Variants in TTC28 observed in about 807,000 individuals in gnomAD.
The protein encoded by TTC28 is tetratricopeptide repeat domain 28.
A neutral mutation model predicts 198.0 loss-of-function variants in TTC28; 61 were observed. That is an observed-to-expected ratio of 0.31 (90% CI 0.25 to 0.38). TTC28 has a LOEUF of 0.38. TTC28 is among the 10% of genes least tolerant of loss of function. The pLI, the probability that TTC28 is intolerant of heterozygous loss-of-function variation, is 1.00. For missense variants in TTC28, 2,678 were observed against 3,164.0 expected (o/e 0.85, Z 3.69); for synonymous variants, 1,171 against 1,297.8 (o/e 0.90, Z 2.10).
intron 2 of TTC28, among the ~76,000 whole-genome samples, chr22:28,532,052 C>T (rs1049700079): frequency 1.3e-5 from 2 of 152,054 alleles, no homozygotes; most frequent in Non-Finnish European, 2.9e-5. Flanking sequence ...CAAGAAATAA[C>T]TAAGATCAGA....
intron 5 of TTC28, among the ~76,000 whole-genome samples, chr22:28,193,627 G>T (rs1451768369): frequency 6.6e-6 from 1 of 151,976 alleles, no homozygotes; most frequent in African/African-American, 2.4e-5. Context: ...AAAAGGCAGG[G>T]GTTGCAAACC....
At chr22:28,250,544 G>A (rs1930443404) in intron 5 of TTC28, among the ~76,000 whole-genome samples, 1 of 152,106 alleles carries the variant, frequency 6.6e-6, no homozygotes, top group South Asian at 2.1e-4. Flanking sequence ...CAAGACCCTT[G>A]TATAAAATGG....
chr22:28,144,600 A>G (rs1165435179), intron 6 of TTC28, among the ~76,000 whole-genome samples: 1 of 152,250 alleles, frequency 6.6e-6, no homozygotes, highest in African/African-American at 2.4e-5. Flanking sequence ...AGCTTATTTT[A>G]AAAAAGACAA....
intron 2 of TTC28, among the ~76,000 whole-genome samples, chr22:28,426,913 T>C (rs2047359047): frequency 6.6e-6 from 1 of 152,236 alleles, no homozygotes; most frequent in Non-Finnish European, 1.5e-5. Flanking sequence ...ATTCTTTTCA[T>C]ACCACCTCAA....
chr22:28,640,072 C>T (rs565658519), intron 1 of TTC28, among the ~76,000 whole-genome samples: 2 of 151,844 alleles, frequency 1.3e-5, no homozygotes, highest in African/African-American at 2.4e-5. Flanking sequence ...TTTTGGAGGC[C>T]GATGTGGGTA....
At chr22:28,159,822 T>C (rs1920986753) in intron 6 of TTC28, among the ~76,000 whole-genome samples, 1 of 152,118 alleles carries the variant, frequency 6.6e-6, no homozygotes, top group Non-Finnish European at 1.5e-5. Context: ...TAAGTGTCCA[T>C]CAACAGATGA....
At chr22:28,486,523 G>T (rs2048317137) in intron 2 of TTC28, among the ~76,000 whole-genome samples, 1 of 152,084 alleles carries the variant, frequency 6.6e-6, no homozygotes, top group African/African-American at 2.4e-5. Context: ...AATCTTAAGA[G>T]AATTATAACT....
chr22:28,295,237 C>T (rs189394244), intron 5 of TTC28, among the ~76,000 whole-genome samples: 1 of 152,270 alleles, frequency 6.6e-6, no homozygotes, highest in African/African-American at 2.4e-5. Context: ...ATCATTTAAA[C>T]AATATAATTA....
chr22:28,494,676 T>C (rs1208572066), intron 2 of TTC28, among the ~76,000 whole-genome samples: 2 of 152,118 alleles, frequency 1.3e-5, no homozygotes, highest in Non-Finnish European at 2.9e-5. Flanking sequence ...GTCAAACTCA[T>C]GCTCAAACTC....
chr22:28,343,055 C>A (rs995872298), intron 2 of TTC28, among the ~76,000 whole-genome samples: 2 of 152,024 alleles, frequency 1.3e-5, no homozygotes, highest in African/African-American at 4.8e-5. Context: ...ACAACATACA[C>A]ACATAATGAA....
chr22:28,490,169 TC>T (rs1366809425), intron 2 of TTC28, among the ~76,000 whole-genome samples: 1 of 152,152 alleles, frequency 6.6e-6, no homozygotes, highest in Non-Finnish European at 1.5e-5. Flanking sequence ...AATGTTAATC[TC>T]CTTTGGCAAC....
chr22:28,452,343 TTG>T (rs908290628), intron 2 of TTC28, among the ~76,000 whole-genome samples: 1 of 134,672 alleles, frequency 7.4e-6, no homozygotes, highest in African/African-American at 2.9e-5. Flanking sequence ...TGAGCCGAGA[TTG>T]TGCCACTGCA....
chr22:28,605,098 C>T (rs1293240155), intron 2 of TTC28, among the ~76,000 whole-genome samples: 1 of 152,170 alleles, frequency 6.6e-6, no homozygotes, highest in East Asian at 1.9e-4. Context: ...TTCTGAATTT[C>T]CTTCACAGCA....
intron 1 of TTC28, among the ~76,000 whole-genome samples, chr22:28,657,076 C>T (rs2051670500): frequency 6.6e-6 from 1 of 152,068 alleles, no homozygotes; most frequent in Admixed American, 6.5e-5. Flanking sequence ...TCACAACAAA[C>T]CTGCGAAGTA....
intron 1 of TTC28, among the ~76,000 whole-genome samples, chr22:28,656,795 G>C (rs1296712068): frequency 6.6e-6 from 1 of 152,064 alleles, no homozygotes; most frequent in Non-Finnish European, 1.5e-5. Flanking sequence ...GATAGCATTA[G>C]GAGATATACC....
intron 5 of TTC28, among the ~76,000 whole-genome samples, chr22:28,228,754 C>G (rs1441451864): frequency 6.6e-6 from 1 of 152,048 alleles, no homozygotes; most frequent in Non-Finnish European, 1.5e-5. Context: ...CACTCAAGAT[C>G]TGAGGAAGGT....
chr22:28,032,019 T>C (rs1238770829), intron 12 of TTC28, among the ~76,000 whole-genome samples: 1 of 151,666 alleles, frequency 6.6e-6, no homozygotes, highest in African/African-American at 2.4e-5. Flanking sequence ...CTGGCTTTCC[T>C]GGGTCTGCAG....
rs8139778 is a variant in TTC28, at chr22:28,659,265, G to A, written c.102+20357C>T. On this transcript the variant is annotated intron_variant, in intron 1 of 22. Transcript: ENST00000397906. The stretch of plus-strand genomic sequence containing the variant: ...TTCAACTCTTACAAGGGTAAGAAAC[G>A]GACTCAAATTAATTTTTTTTTGAGA... Among the ~76,000 whole-genome samples the A allele has an allele frequency of 7.7e-3, 1,171 of 152,228 alleles. 21 individuals are homozygous for A. The highest frequency in any genetic ancestry group is 0.026 in the African/African-American group (1,080 of 41,536).
At chr22:28,219,503 G>A (rs1373656299) in intron 5 of TTC28, among the ~76,000 whole-genome samples, 4 of 146,004 alleles carry the variant, frequency 2.7e-5, no homozygotes, top group Non-Finnish European at 4.5e-5. Flanking sequence ...GGGAGACTTT[G>A]TTAAAAAAAA....
Sources: gnomAD v4.1 joint callset for allele counts (sites outside exome capture counted in the v4.1 genomes callset) on GRCh38, gnomAD v4.1.1 for gene constraint, MANE v1.5 for transcripts, NCBI Gene and HGNC (gene_info 2026-07-23, HGNC 2026-07-21) for gene names.